The following SH3PXD2A variants were observed in gnomAD, a reference collection of about 807,000 sequenced individuals.
SH3PXD2A encodes the protein SH3 and PX domain-containing protein 2A.
A neutral mutation model predicts 115.2 loss-of-function variants in SH3PXD2A; 32 were observed. The ratio of observed to expected loss-of-function variants is 0.28; its 90% CI spans 0.21 to 0.37. The LOEUF is 0.37. SH3PXD2A is among the 10% of genes least tolerant of loss of function. The pLI, the probability that SH3PXD2A is intolerant of heterozygous loss-of-function variation, is 1.00. For missense variants in SH3PXD2A, 1,328 were observed against 1,498.7 expected, an observed-to-expected ratio of 0.89 and a Z score of 1.88; for synonymous variants, 610 against 629.1, an observed-to-expected ratio of 0.97 and a Z score of 0.45.
At position 103,602,857 on chromosome 10, in the gene SH3PXD2A, C is replaced by G; in HGVS notation, c.2361G>C (p.Gln787His). The change falls in exon 15 of 15, where the codon CAG becomes CAC. Residue 787 changes from glutamine to histidine, a missense_variant. By Grantham distance (24) the Gln-to-His change is conservative. Coordinates refer to ENST00000369774, the MANE Select transcript of SH3PXD2A (RefSeq NM_001394015.1). ...TGGAGCCCTTGAGCCCTCCACGGAG[C>G]TGGCCTGTGGGTCTCAGCTGGCGCC... The part of the protein sequence containing the change: ...TLRRQLRPTG[Q>H]LRGGLKGSKS... 6.2e-7 allele frequency: 1 copy of G among 1,614,106 alleles called. No homozygotes were observed. The highest frequency in any genetic ancestry group is 1.1e-5 in the South Asian group (1 of 91,062).
intron 1 of SH3PXD2A, among the ~76,000 whole-genome samples, chr10:103,801,660 T>G (rs11812706): frequency 0.026 from 3,901 of 152,266 alleles, 163 homozygotes; most frequent in African/African-American, 0.088. Flanking sequence ...TCTTTTTATT[T>G]GTATATATTT....
At chr10:103,631,092 C>T (rs552816499) in intron 8 of SH3PXD2A, among the ~76,000 whole-genome samples, 1 of 152,204 alleles carries the variant, frequency 6.6e-6, no homozygotes, top group African/African-American at 2.4e-5. Flanking sequence ...AAGTGAGACC[C>T]TATCTCTACC....
At chr10:103,697,440 C>CCTT (rs2037838136) in intron 5 of SH3PXD2A, among the ~76,000 whole-genome samples, 4 of 152,228 alleles carry the variant, frequency 2.6e-5, no homozygotes, top group Non-Finnish European at 4.4e-5. Flanking sequence ...TTAAGGACCT[C>CCTT]ACCACGATGC....
At chr10:103,748,165 C>T (rs1402659491) in intron 3 of SH3PXD2A, among the ~76,000 whole-genome samples, 4 of 152,202 alleles carry the variant, frequency 2.6e-5, no homozygotes, top group African/African-American at 9.7e-5. Flanking sequence ...AGTTGATCCT[C>T]ATAACAACCT....
chr10:103,728,350 T>G (rs945633144), intron 4 of SH3PXD2A, among the ~76,000 whole-genome samples: 3 of 152,226 alleles, frequency 2.0e-5, no homozygotes, highest in Non-Finnish European at 4.4e-5. Flanking sequence ...GTGATAACAT[T>G]AGTGTCATCG....
intron 5 of SH3PXD2A, among the ~76,000 whole-genome samples, chr10:103,721,273 A>C (rs929238344): frequency 6.6e-6 from 1 of 152,040 alleles, no homozygotes; most frequent in African/African-American, 2.4e-5. Flanking sequence ...GCATTATCTC[A>C]TTTTAGGGGA....
At chr10:103,729,866 A>G (rs1212074920) in intron 4 of SH3PXD2A, among the ~76,000 whole-genome samples, 1 of 152,136 alleles carries the variant, frequency 6.6e-6, no homozygotes, top group Non-Finnish European at 1.5e-5. Flanking sequence ...CCTGCCCCTC[A>G]AGACCATTTC....
chr10:103,828,235 G>T (rs1365344424), intron 1 of SH3PXD2A, among the ~76,000 whole-genome samples: 2 of 152,222 alleles, frequency 1.3e-5, no homozygotes, highest in Non-Finnish European at 1.5e-5. Flanking sequence ...GTGAGTGCCA[G>T]GTCCCAAATC....
intron 1 of SH3PXD2A, among the ~76,000 whole-genome samples, chr10:103,813,936 C>T (rs901429896): frequency 5.5e-5 from 8 of 145,758 alleles, no homozygotes; most frequent in Non-Finnish European, 8.9e-5. Context: ...GGTGGGTCTA[C>T]GGGTTGTTCC....
At chr10:103,776,448 G>C (rs1339337840) in intron 2 of SH3PXD2A, among the ~76,000 whole-genome samples, 1 of 150,002 alleles carries the variant, frequency 6.7e-6, no homozygotes, top group Non-Finnish European at 1.5e-5. Context: ...GTGTGTGTGT[G>C]TGTGTGTGTG....
chr10:103,658,460 C>A (rs2037243132), intron 8 of SH3PXD2A, among the ~76,000 whole-genome samples: 1 of 152,216 alleles, frequency 6.6e-6, no homozygotes, highest in Non-Finnish European at 1.5e-5. Context: ...TCAGGTTGCA[C>A]AAGACGCCTC....
chr10:103,735,415 C>G (rs2038368327), intron 4 of SH3PXD2A, among the ~76,000 whole-genome samples: 1 of 152,210 alleles, frequency 6.6e-6, no homozygotes, highest in Non-Finnish European at 1.5e-5. Flanking sequence ...GCAAGCAGCC[C>G]TTCAGAAGGA....
At chr10:103,752,959 A>G (rs1374941199) in intron 3 of SH3PXD2A, among the ~76,000 whole-genome samples, 1 of 152,196 alleles carries the variant, frequency 6.6e-6, no homozygotes, top group African/African-American at 2.4e-5. Context: ...TAATCTAGCT[A>G]AAACTTTTAC....
intron 8 of SH3PXD2A, among the ~76,000 whole-genome samples, chr10:103,632,547 C>T (rs776131327): frequency 3.9e-5 from 6 of 152,166 alleles, no homozygotes; most frequent in African/African-American, 1.2e-4. Flanking sequence ...TGCATAGAGT[C>T]GGGGTGGGCG....
At chr10:103,614,759 C>A (rs919171109) in intron 11 of SH3PXD2A, among the ~76,000 whole-genome samples, 2 of 152,058 alleles carry the variant, frequency 1.3e-5, no homozygotes, top group African/African-American at 4.8e-5. Flanking sequence ...ACACCTCCCC[C>A]CCCGCCCCGC....
intron 1 of SH3PXD2A, among the ~76,000 whole-genome samples, chr10:103,812,103 C>T (rs2039276782): frequency 6.6e-6 from 1 of 152,264 alleles, no homozygotes; most frequent in African/African-American, 2.4e-5. Context: ...CATGTCACCA[C>T]TGGGACATTC....
intron 5 of SH3PXD2A, among the ~76,000 whole-genome samples, chr10:103,698,955 G>A (rs2037859010): frequency 6.6e-6 from 1 of 152,112 alleles, no homozygotes; most frequent in Non-Finnish European, 1.5e-5. Flanking sequence ...GTTGTGGACT[G>A]GGCAGTGAGG....
chr10:103,794,778 A>G (rs544321734), intron 2 of SH3PXD2A, among the ~76,000 whole-genome samples: 1 of 152,290 alleles, frequency 6.6e-6, no homozygotes, highest in East Asian at 1.9e-4. Context: ...CCACTTGGAG[A>G]CTAAGAGCCT....
At position 103,599,715 on chromosome 10, in the gene SH3PXD2A, A is replaced by C. The variant is rs982152937; in HGVS notation, c.*2101T>G. ...CCACTTCTTTATCATTATTGTTCAA[A>C]TAAGTACAAATAATATTAACATGAA... On this transcript the variant is annotated 3_prime_UTR_variant, in exon 15 of 15. Coordinates refer to ENST00000369774, the MANE Select transcript of SH3PXD2A (RefSeq NM_001394015.1). The C allele has an allele frequency of 6.6e-6, 1 of 152,662 alleles. No homozygotes were observed. The highest frequency in any genetic ancestry group is 2.4e-5 in the African/African-American group (1 of 41,470). 9.5% of individuals were successfully genotyped at this position (152,662 alleles called of 1,614,324 possible). A position where few individuals can be genotyped will look rare whatever the true frequency, so the allele number is the denominator to read the frequency against.
Sources: gnomAD v4.1 joint callset for allele counts (sites outside exome capture counted in the v4.1 genomes callset) on GRCh38, gnomAD v4.1.1 for gene constraint, MANE v1.5 for transcripts, NCBI Gene and HGNC (gene_info 2026-07-23, HGNC 2026-07-21) for gene names.